VPS13B: variants seen among roughly 807,000 people sequenced by gnomAD.
VPS13B encodes the protein intermembrane lipid transfer protein VPS13B.
VPS13B carries 285 observed loss-of-function variants against 426.4 expected under a neutral mutation model. The ratio of observed to expected loss-of-function variants is 0.67; its 90% CI spans 0.61 to 0.74. VPS13B has a LOEUF of 0.74. Ranked by LOEUF, VPS13B falls within the 30% of genes least tolerant of loss-of-function variation. The probability of loss-of-function intolerance (pLI) is 0.00; values close to 1 mark genes in which losing one functional copy is unlikely to be tolerated. For synonymous variants in VPS13B, 1,676 were observed against 1,676.4 expected (o/e 1.00, Z 0.01); for missense variants, 4,537 against 4,782.6 (o/e 0.95, Z 1.51).
intron 30 of VPS13B, chr8:99,536,699 C>T (rs768995370): frequency 1.9e-6 from 1 of 534,392 alleles, no homozygotes; most frequent in East Asian, 5.5e-5. Flanking sequence ...CCCATGTCAG[C>T]TTATCAAACA....
intron 19 of VPS13B, among the ~76,000 whole-genome samples, chr8:99,299,430 T>C (rs1338023931): frequency 1.3e-5 from 2 of 152,122 alleles, no homozygotes; most frequent in Admixed American, 1.3e-4. Flanking sequence ...TTTGTAAGGC[T>C]TAAGTTAAAT....
chr8:99,486,370 C>T (rs568183252), intron 25 of VPS13B, among the ~76,000 whole-genome samples: 5 of 152,050 alleles, frequency 3.3e-5, no homozygotes, highest in African/African-American at 7.2e-5. Flanking sequence ...GGATTACAGG[C>T]GCCTGCCACC....
intron 3 of VPS13B, among the ~76,000 whole-genome samples, chr8:99,093,095 A>G (rs1024516901): frequency 6.6e-6 from 1 of 152,040 alleles, no homozygotes. Context: ...AAAGATGTCT[A>G]TACAAATAAT....
chr8:99,386,319 G>A (rs180842649), intron 20 of VPS13B, among the ~76,000 whole-genome samples: 98 of 152,184 alleles, frequency 6.4e-4, no homozygotes, highest in Non-Finnish European at 1.1e-3. Context: ...ATACAATCAC[G>A]TGCCCCTTAA....
chr8:99,469,098 A>T (rs2133516717), intron 24 of VPS13B, among the ~76,000 whole-genome samples: 1 of 152,198 alleles, frequency 6.6e-6, no homozygotes, highest in South Asian at 2.1e-4. Flanking sequence ...TTATTAAAAG[A>T]ACACTGTCAT....
chr8:99,567,106 T>A (rs185204066), intron 31 of VPS13B, among the ~76,000 whole-genome samples: 1 of 152,170 alleles, frequency 6.6e-6, no homozygotes, highest in Non-Finnish European at 1.5e-5. Flanking sequence ...CTCCTGACCT[T>A]CTCTCCCTTA....
chr8:99,812,271 G>T (rs1325365486), intron 44 of VPS13B, among the ~76,000 whole-genome samples: 2 of 152,008 alleles, frequency 1.3e-5, no homozygotes, highest in Admixed American at 1.3e-4. Context: ...GTTCAGATTT[G>T]TTCTGGTTAA....
chr8:99,686,937 A>T (rs1203519440), intron 35 of VPS13B, among the ~76,000 whole-genome samples: 1 of 151,904 alleles, frequency 6.6e-6, no homozygotes, highest in East Asian at 1.9e-4. Flanking sequence ...ATCCCTCCCT[A>T]TAGCCATCAC....
At chr8:99,854,314 T>C in intron 56 of VPS13B, 58 bp downstream of exon 56, 3 of 1,565,468 alleles carry the variant, frequency 1.9e-6, no homozygotes, top group South Asian at 2.3e-5. Flanking sequence ...AATGACACGC[T>C]TGGGGGTAGC....
In VPS13B at chr8:99,642,449, C is replaced by T; in HGVS notation, c.5859C>T (p.Ser1953=). 2.5e-6 allele frequency: 4 copies of T among 1,614,028 alleles called. No homozygotes were observed. Among genetic ancestry groups the T allele is most frequent in the Non-Finnish European group, 3.4e-6 (4 of 1,179,980 alleles). ...CHHRKQRVEV[S]IFDAVLKGVA... is the part of the protein sequence containing the mutation. ...ACAGAAAGCAGCGAGTGGAAGTATC[C>T]ATTTTTGATGCTGTGCTTAAAGGGG... The change falls in exon 34 of 62, where the codon TCC becomes TCT. Residue 1953 remains serine (S), a synonymous_variant. Transcript: ENST00000357162.
intron 12 of VPS13B, among the ~76,000 whole-genome samples, chr8:99,140,855 T>A (rs1286163393): frequency 3.9e-5 from 6 of 152,216 alleles, no homozygotes; most frequent in Admixed American, 6.5e-5. Flanking sequence ...ACAATTATTT[T>A]ACTTTTTTTT....
chr8:99,495,468 T>C (rs139686501), intron 25 of VPS13B, among the ~76,000 whole-genome samples: 1 of 152,332 alleles, frequency 6.6e-6, no homozygotes, highest in East Asian at 1.9e-4. Flanking sequence ...ATCTTGTTCA[T>C]GTTGGATTGT....
At chr8:99,520,016 A>G (rs1184915306) in intron 29 of VPS13B, among the ~76,000 whole-genome samples, 1 of 152,164 alleles carries the variant, frequency 6.6e-6, no homozygotes, top group African/African-American at 2.4e-5. Flanking sequence ...GTCCTTAGAA[A>G]AGACATTGAA....
At chr8:99,240,835 A>G (rs1816893341) in intron 17 of VPS13B, 1 of 152,650 alleles carries the variant, frequency 6.6e-6, no homozygotes, top group Non-Finnish European at 1.5e-5. Context: ...TTCCAAAAAT[A>G]CTAACCCATA....
chr8:99,450,488 G>A (rs1207636080), intron 23 of VPS13B, among the ~76,000 whole-genome samples: 1 of 152,138 alleles, frequency 6.6e-6, no homozygotes, highest in Non-Finnish European at 1.5e-5. Flanking sequence ...GCCAAGGTGG[G>A]CAGATCACAA....
At chr8:99,648,177 G>A (rs1829668227) in intron 34 of VPS13B, among the ~76,000 whole-genome samples, 2 of 152,100 alleles carry the variant, frequency 1.3e-5, no homozygotes, top group African/African-American at 4.8e-5. Context: ...ATCAGACATG[G>A]GCAAGACTCT....
At chr8:99,709,398 A>G in intron 36 of VPS13B, among the ~76,000 whole-genome samples, 1 of 152,156 alleles carries the variant, frequency 6.6e-6, no homozygotes, top group East Asian at 1.9e-4. Context: ...TTCCAAAACA[A>G]GTGGTTTGCA....
intron 3 of VPS13B, among the ~76,000 whole-genome samples, chr8:99,081,855 C>G (rs546142242): frequency 6.6e-6 from 1 of 152,080 alleles, no homozygotes; most frequent in South Asian, 2.1e-4. Flanking sequence ...TTAATCCAGT[C>G]TATAATTGTT....
intron 25 of VPS13B, among the ~76,000 whole-genome samples, chr8:99,483,269 CT>C (rs1437779194): frequency 2.0e-5 from 3 of 152,064 alleles, no homozygotes; most frequent in Admixed American, 2.0e-4. Context: ...TAAGATTATT[CT>C]TTCTCTTTTT....
Sources: allele counts gnomAD v4.1 joint callset (sites outside exome capture counted in the v4.1 genomes callset), GRCh38; gene constraint gnomAD v4.1.1; transcripts MANE v1.5; gene names NCBI Gene and HGNC (gene_info 2026-07-23, HGNC 2026-07-21).